ANO2: variants seen among roughly 807,000 people sequenced by gnomAD.
ANO2 encodes the protein anoctamin-2.
In ANO2, 101 loss-of-function variants were observed where a neutral mutation model predicts 124.2. That is an observed-to-expected ratio of 0.81 (90% confidence interval 0.69 to 0.96). The LOEUF is 0.96. Among genes scored for constraint, ANO2 ranks in the 40% least tolerant of loss-of-function variants. The pLI is 0.00. For synonymous variants in ANO2, 486 were observed against 482.5 expected (o/e 1.01, Z -0.09); for missense variants, 1,293 against 1,274.5 (o/e 1.01, Z -0.22).
At chr12:5,785,656 T>TACAC (rs71445677) in intron 10 of ANO2, among the ~76,000 whole-genome samples, 16,858 of 149,636 alleles carry the variant, frequency 0.11, 1,555 homozygotes, top group African/African-American at 0.25. Flanking sequence ...AGTCCTCTTG[T>TACAC]ACACACACAC....
intron 14 of ANO2, among the ~76,000 whole-genome samples, chr12:5,667,604 G>A (rs959476036): frequency 6.6e-6 from 1 of 152,062 alleles, no homozygotes; most frequent in African/African-American, 2.4e-5. Context: ...TGTTACATAG[G>A]TAAACGTGTG....
intron 1 of ANO2, among the ~76,000 whole-genome samples, chr12:5,923,606 G>T (rs186689579): frequency 6.6e-6 from 1 of 152,146 alleles, no homozygotes; most frequent in Non-Finnish European, 1.5e-5. Context: ...CTCTACCCAG[G>T]CCCCAGAGGT....
chr12:5,646,523 G>C (rs1946644461), intron 15 of ANO2, among the ~76,000 whole-genome samples: 1 of 152,018 alleles, frequency 6.6e-6, no homozygotes, highest in Admixed American at 6.6e-5. Flanking sequence ...TGTATCCCCA[G>C]TGTCTAAGCA....
intron 3 of ANO2, among the ~76,000 whole-genome samples, chr12:5,905,461 G>T (rs10160866): frequency 0.11 from 17,000 of 152,146 alleles, 2,197 homozygotes; most frequent in African/African-American, 0.32. Flanking sequence ...AGAAGTACAG[G>T]GATCAGAGAG....
At chr12:5,611,073 C>T (rs986511519) in intron 19 of ANO2, among the ~76,000 whole-genome samples, 4 of 150,576 alleles carry the variant, frequency 2.7e-5, no homozygotes, top group African/African-American at 9.8e-5. Context: ...AGGGTTCAAG[C>T]AATTCTCCTG....
At chr12:5,770,182 G>A (rs950778573) in intron 10 of ANO2, among the ~76,000 whole-genome samples, 3 of 152,170 alleles carry the variant, frequency 2.0e-5, no homozygotes, top group African/African-American at 7.2e-5. Context: ...CATAGCACTG[G>A]AAATAGATTC....
intron 7 of ANO2, among the ~76,000 whole-genome samples, chr12:5,827,458 G>A (rs1387667898): frequency 6.6e-6 from 1 of 152,196 alleles, no homozygotes; most frequent in African/African-American, 2.4e-5. Context: ...GTGAAAAACA[G>A]AGGAGCCGCA....
intron 3 of ANO2, among the ~76,000 whole-genome samples, chr12:5,910,088 TA>T (rs1193468109): frequency 5.3e-5 from 8 of 152,240 alleles, no homozygotes; most frequent in Non-Finnish European, 1.2e-4. Context: ...GAGACACATC[TA>T]AAAATTGGCA....
chr12:5,670,839 C>A (rs185203187), intron 14 of ANO2, among the ~76,000 whole-genome samples: 90 of 152,262 alleles, frequency 5.9e-4, no homozygotes, highest in African/African-American at 1.8e-3. Flanking sequence ...CACACCTGGC[C>A]AAAATATGTA....
At chr12:5,858,586 A>G (rs943145352) in intron 3 of ANO2, 2 of 152,224 alleles carry the variant, frequency 1.3e-5, no homozygotes, top group Non-Finnish European at 2.9e-5. Context: ...AGCTTAGGCA[A>G]GTCACTTAAC....
At position 5,769,012 on chromosome 12, in the gene ANO2, C is replaced by A. The variant is rs1056386271; in HGVS notation, c.1056-18042G>T. Reference sequence around the variant, plus strand: ...AAGAGGGCTGGGCTCGGGATGGCAGCGCTGTGGAAGCTGGGCTTAGCTTAT... The same window carrying A: ...AAGAGGGCTGGGCTCGGGATGGCAGAGCTGTGGAAGCTGGGCTTAGCTTAT... On this transcript the variant is annotated intron_variant, in intron 10 of 24. Coordinates refer to ENST00000682330, the MANE Select transcript of ANO2 (RefSeq NM_001364791.2). This position sits in a 1 kb window ranked among gnomAD's most constrained non-coding sequence, Gnocchi z 4.0. 9.2e-5 allele frequency among the ~76,000 whole-genome samples: 14 copies of A among 152,110 alleles called. No homozygotes were observed. The highest frequency in any genetic ancestry group is 3.4e-4 in the African/African-American group (14 of 41,412).
At chr12:5,798,542 G>T (rs540580508) in intron 10 of ANO2, among the ~76,000 whole-genome samples, 1 of 152,142 alleles carries the variant, frequency 6.6e-6, no homozygotes, top group South Asian at 2.1e-4. Flanking sequence ...TCTATTCTCA[G>T]GCTGATGAAT....
intron 16 of ANO2, among the ~76,000 whole-genome samples, chr12:5,616,434 T>C (rs908380308): frequency 2.0e-5 from 3 of 152,310 alleles, no homozygotes; most frequent in African/African-American, 7.2e-5. Flanking sequence ...CCACACCTCC[T>C]AATACCATCA....
In ANO2 at chr12:5,900,182, A is replaced by G. The variant is rs114191626; in HGVS notation, c.534+20858T>C. On this transcript the variant is annotated intron_variant, in intron 3 of 24. Transcript: ENST00000682330. This position sits in a 1 kb window ranked among gnomAD's most constrained non-coding sequence, Gnocchi z 4.2. Reference sequence around the variant, plus strand: ...ACCCACATCACAGCCCTGGATTTCAATGTAATCACGGACAACCAAGAGCCC... The same window carrying G: ...ACCCACATCACAGCCCTGGATTTCAGTGTAATCACGGACAACCAAGAGCCC... Among the ~76,000 whole-genome samples the G allele has an allele frequency of 1.7e-3, 254 of 152,256 alleles. 1 individual carries two copies. The highest frequency in any genetic ancestry group is 5.9e-3 in the African/African-American group (246 of 41,540).
At chr12:5,871,286 T>C (rs938213737) in intron 3 of ANO2, among the ~76,000 whole-genome samples, 1 of 152,230 alleles carries the variant, frequency 6.6e-6, no homozygotes, top group African/African-American at 2.4e-5. Flanking sequence ...TTATATTTTT[T>C]GAAGGTCAAA....
At chr12:5,588,359 C>T (rs1943228662) in intron 20 of ANO2, among the ~76,000 whole-genome samples, 1 of 152,220 alleles carries the variant, frequency 6.6e-6, no homozygotes, top group African/African-American at 2.4e-5. Flanking sequence ...GGAAGCCTCA[C>T]TTCATTCCAT....
intron 9 of ANO2, among the ~76,000 whole-genome samples, chr12:5,801,848 A>T (rs1953051274): frequency 6.6e-6 from 1 of 152,114 alleles, no homozygotes; most frequent in Non-Finnish European, 1.5e-5. Flanking sequence ...CTCCTCCCAC[A>T]TCTTGGGTGC....
chr12:5,577,809 T>G, intron 22 of ANO2, 146 bp downstream of exon 22: 8 of 716,246 alleles, frequency 1.1e-5, no homozygotes, highest in East Asian at 2.8e-5. Context: ...AAGGCATTTG[T>G]GAGCTGTTAA....
At chr12:5,734,798 C>A in intron 13 of ANO2, among the ~76,000 whole-genome samples, 1 of 152,074 alleles carries the variant, frequency 6.6e-6, no homozygotes, top group Non-Finnish European at 1.5e-5. Flanking sequence ...CAGGCACATG[C>A]CACCAGGCCC....
Sources: allele counts gnomAD v4.1 joint callset (sites outside exome capture counted in the v4.1 genomes callset), GRCh38; gene constraint gnomAD v4.1.1; non-coding constraint Gnocchi (gnomAD v3.1); transcripts MANE v1.5; gene names NCBI Gene and HGNC (gene_info 2026-07-23, HGNC 2026-07-21).